Variants in SULF2 observed in about 807,000 individuals in gnomAD.
SULF2 encodes the protein extracellular sulfatase Sulf-2.
A neutral mutation model predicts 107.7 loss-of-function variants in SULF2; 52 were observed. The ratio of observed to expected loss-of-function variants is 0.48; its 90% CI spans 0.39 to 0.61. SULF2 has a LOEUF of 0.61. Among genes scored for constraint, SULF2 ranks in the 20% least tolerant of loss-of-function variants. SULF2 has a pLI of 0.00. For synonymous variants in SULF2, 460 were observed against 464.3 expected, an observed-to-expected ratio of 0.99 and a Z score of 0.12; for missense variants, 993 against 1,177.3, an observed-to-expected ratio of 0.84 and a Z score of 2.29.
At chr20:47,696,497 C>G (rs947257425) in intron 4 of SULF2, among the ~76,000 whole-genome samples, 1 of 151,838 alleles carries the variant, frequency 6.6e-6, no homozygotes, top group Non-Finnish European at 1.5e-5. Flanking sequence ...CTTTATGCAT[C>G]TTTTTATATT....
intron 14 of SULF2, 108 bp downstream of exon 14, chr20:47,665,091 G>A (rs2087216205): frequency 1.3e-6 from 1 of 787,264 alleles, no homozygotes; most frequent in Non-Finnish European, 2.2e-6. Context: ...GAGGGGAGAA[G>A]ATAAAGATAA....
At chr20:47,684,280 G>A (rs55917402) in intron 6 of SULF2, 151 bp downstream of exon 6, 88,095 of 773,008 alleles carry the variant, frequency 0.11, 5,531 homozygotes, top group Middle Eastern at 0.14. Context: ...ATTGCTCCAA[G>A]CTGTTCCCCA....
At chr20:47,753,255 C>T (rs186849969) in intron 2 of SULF2, among the ~76,000 whole-genome samples, 1 of 152,280 alleles carries the variant, frequency 6.6e-6, no homozygotes, top group Admixed American at 6.5e-5. Context: ...ACTGGGGAAT[C>T]CGCTCTGATA....
At position 47,663,170 on chromosome 20, in the gene SULF2, T is replaced by C. The variant is rs2087142234; in HGVS notation, c.2270A>G (p.Tyr757Cys). ...CACTSANNNT[Y>C]WCMRTINETH... ...CTCATTGATGGTCCTCATGCACCAG[T>C]ACGTGTTATTGTTGGCGCTGGTGCA... Residue 757 changes from tyrosine (Y) to cysteine (C), a missense_variant, in exon 17 of 21, where the codon TAC (tyrosine) becomes TGC (cysteine). Coordinates refer to ENST00000688720, the MANE Select transcript of SULF2 (RefSeq NM_001387048.1). The C allele has an allele frequency of 6.2e-7, 1 of 1,614,172 alleles. No individual in the cohort carries two copies. Among genetic ancestry groups the C allele is most frequent in the South Asian group, 1.1e-5 (1 of 91,084 alleles).
chr20:47,666,846 T>C lies in SULF2; in HGVS notation c.1577-358A>G, dbSNP rs1046839574. On this transcript the variant is annotated intron_variant, in intron 11 of 20. Transcript: ENST00000688720. The surrounding 1 kb of genome is among the most constrained non-coding windows in gnomAD (Gnocchi z 5.4). ...TGATTCACGCTAGAGCGTGGATGAA[T>C]GTCAAAAGCAGGCGGAGTGAAACCA... Among the ~76,000 whole-genome samples, 2 of 152,212 alleles carry C rather than the reference T, an allele frequency of 1.3e-5. No individual in the cohort carries two copies. Among genetic ancestry groups the C allele is most frequent in the African/African-American group, 4.8e-5 (2 of 41,450 alleles).
At chr20:47,665,378 G>GTT in intron 13 of SULF2, 85 bp from the exon 14 acceptor site, 2 of 914,332 alleles carry the variant, frequency 2.2e-6, no homozygotes, top group Admixed American at 3.5e-5. Flanking sequence ...CCACGCTGCC[G>GTT]TGTCTGTGCT....
intron 5 of SULF2, chr20:47,686,443 A>T (rs1432580816): frequency 1.3e-5 from 2 of 152,204 alleles, no homozygotes; most frequent in Non-Finnish European, 2.9e-5. Context: ...GGCCTCACAA[A>T]ACGTGGGCTT....
chr20:47,736,645 T>C, intron 3 of SULF2, 58 bp downstream of exon 3: 1 of 1,604,464 alleles, frequency 6.2e-7, no homozygotes, highest in Non-Finnish European at 8.5e-7. Flanking sequence ...AGACCACACC[T>C]AGGGACGCCC....
chr20:47,757,545 C>G, intron 1 of SULF2, 82 bp from the exon 2 acceptor site: 2 of 693,572 alleles, frequency 2.9e-6, no homozygotes, highest in Non-Finnish European at 4.6e-6. Flanking sequence ...TGTATGGCGG[C>G]TGGCATGAAC....
At chr20:47,762,761 G>A (rs570895442) in intron 1 of SULF2, among the ~76,000 whole-genome samples, 1 of 152,200 alleles carries the variant, frequency 6.6e-6, no homozygotes. Flanking sequence ...GATGGAGCCC[G>A]GGGCACAGTC....
intron 9 of SULF2, among the ~76,000 whole-genome samples, 195 bp downstream of exon 9, chr20:47,676,883 A>G (rs1252395461): frequency 6.6e-6 from 1 of 152,236 alleles, no homozygotes; most frequent in Non-Finnish European, 1.5e-5. Context: ...AAGCATGCCA[A>G]AAGCGTACAC....
chr20:47,663,344 C>T, intron 16 of SULF2, 109 bp downstream of exon 16: 1 of 1,573,732 alleles, frequency 6.4e-7, no homozygotes, highest in Non-Finnish European at 8.6e-7. Context: ...GCACCGTGGA[C>T]CCCTGGTGTT....
At position 47,703,396 on chromosome 20, in the gene SULF2, G is replaced by C. The variant is rs550638090; in HGVS notation, c.416-726C>G. 4.6e-5 allele frequency among the ~76,000 whole-genome samples: 7 copies of C among 152,356 alleles called. No individual in the cohort carries two copies. The East Asian group carries it at 1.3e-3, about 29-fold the overall frequency. The stretch of plus-strand genomic sequence containing the variant: ...TATTGGAAGCAAATGCTAAGTCTCA[G>C]CTGTAGGTTAGTGAAAACCAGAGTG... On this transcript the variant is annotated intron_variant, in intron 3 of 20. Coordinates refer to ENST00000688720, the MANE Select transcript of SULF2 (RefSeq NM_001387048.1).
chr20:47,747,018 TAC>T (rs58378160), intron 2 of SULF2, among the ~76,000 whole-genome samples: 1,755 of 75,038 alleles, frequency 0.023, 22 homozygotes, highest in South Asian at 0.053. Context: ...TATATATATA[TAC>T]ACACACACAC....
At chr20:47,676,351 G>A in intron 10 of SULF2, 143 bp downstream of exon 10, 1 of 865,820 alleles carries the variant, frequency 1.2e-6, no homozygotes, top group Admixed American at 2.9e-5. Flanking sequence ...CCACCAAACA[G>A]CATCTTGGGC....
At chr20:47,698,581 T>G (rs1372980474) in intron 4 of SULF2, among the ~76,000 whole-genome samples, 1 of 152,154 alleles carries the variant, frequency 6.6e-6, no homozygotes. Context: ...AATCAACTCC[T>G]TGGGGGTTCA....
At chr20:47,754,292 T>C (rs7264351) in intron 2 of SULF2, among the ~76,000 whole-genome samples, 9,719 of 152,320 alleles carry the variant, frequency 0.064, 348 homozygotes, top group African/African-American at 0.1. Flanking sequence ...CCCAGAGGGC[T>C]GTCAGAACTG....
Position 47,757,066 on chromosome 20 carries a change from T to C in SULF2, c.175+123A>G, listed in dbSNP as rs1411097827. The C allele has an allele frequency of 3.3e-6, 3 of 914,136 alleles. No homozygotes were observed. In the East Asian group the frequency reaches 8.1e-5, roughly 25 times the overall value. 56.6% of individuals were successfully genotyped at this position (914,136 alleles called of 1,614,324 possible). Reference sequence around the variant, plus strand: ...CACGTGTGGGTGGCCCGTGTCTTGGTTTCAATGTACTCAAAAGTGAGCACG... The same window carrying C: ...CACGTGTGGGTGGCCCGTGTCTTGGCTTCAATGTACTCAAAAGTGAGCACG... On this transcript the variant is annotated intron_variant, in intron 2 of 20. Coordinates refer to ENST00000688720, the MANE Select transcript of SULF2 (RefSeq NM_001387048.1).
chr20:47,666,330 C>T lies in SULF2; in HGVS notation c.1735G>A (p.Gly579Ser), dbSNP rs2087269111. The change falls in exon 12 of 21, where the codon GGT becomes AGT. Residue 579 changes from glycine (G) to serine (S), a missense_variant. Gly to Ser is a moderately conservative substitution (Grantham distance 56, BLOSUM62 0). Around this residue, in one of 3 missense-constraint regions of SULF2, gnomAD observed 497 missense variants for 544.1 expected, o/e 0.91. Coordinates refer to ENST00000688720, the MANE Select transcript of SULF2 (RefSeq NM_001387048.1). The surrounding 1 kb of genome is among the most constrained non-coding windows in gnomAD (Gnocchi z 5.4). The part of the protein sequence containing the change: ...GAPEDQDDKD[G>S]GDFSGTGGLP... The stretch of plus-strand genomic sequence containing the variant: ...CCTCCAGTGCCACTGAAGTCCCCAC[C>T]ATCCTTGTCATCTTGGTCCTCAGGG... The T allele has an allele frequency of 2.5e-6, 4 of 1,614,256 alleles. No homozygotes were observed. In the East Asian group the frequency reaches 8.9e-5, roughly 36 times the overall value.
Sources: allele counts gnomAD v4.1 joint callset (sites outside exome capture counted in the v4.1 genomes callset), GRCh38; gene constraint gnomAD v4.1.1; regional missense constraint gnomAD v4.1.1; non-coding constraint Gnocchi (gnomAD v3.1); transcripts MANE v1.5; gene names NCBI Gene and HGNC (gene_info 2026-07-23, HGNC 2026-07-21).